The following YME1L1 variants were observed in gnomAD, a reference collection of about 807,000 sequenced individuals.
The protein encoded by YME1L1 is YME1 like 1 ATPase.
In YME1L1, 39 loss-of-function variants were observed where a neutral mutation model predicts 90.4. That is an observed-to-expected ratio of 0.43 (90% CI 0.33 to 0.56). The LOEUF is 0.56. YME1L1 is among the 20% of genes least tolerant of loss of function. The probability of loss-of-function intolerance (pLI) is 0.03; values close to 1 mark genes in which losing one functional copy is unlikely to be tolerated. For synonymous variants in YME1L1, 284 were observed against 287.3 expected, an observed-to-expected ratio of 0.99 and a Z score of 0.12; for missense variants, 617 against 868.4, an observed-to-expected ratio of 0.71 and a Z score of 3.64.
chr10:27,153,359 C>A, intron 1 of YME1L1: 1 of 429,264 alleles, frequency 2.3e-6, no homozygotes, highest in Non-Finnish European at 4.7e-6. Context: ...ATGCTTAAAT[C>A]AAGAACCTAA....
chr10:27,136,898 T>C (rs1488662820), intron 4 of YME1L1, among the ~76,000 whole-genome samples: 2 of 151,816 alleles, frequency 1.3e-5, no homozygotes, highest in South Asian at 2.1e-4. Flanking sequence ...GCTGGGATTA[T>C]AGGCGTGAGC....
intron 1 of YME1L1, among the ~76,000 whole-genome samples, chr10:27,149,576 T>C (rs1025783554): frequency 6.6e-6 from 1 of 151,330 alleles, no homozygotes; most frequent in Admixed American, 6.6e-5. Context: ...ATGGGTGTGA[T>C]GGTGTGCGCC....
chr10:27,112,081 C>T lies in YME1L1; in HGVS notation c.2047G>A (p.Ala683Thr). The T allele has an allele frequency of 6.2e-7, 1 of 1,613,946 alleles. No homozygotes were observed. The highest frequency in any genetic ancestry group is 1.7e-5 in the Admixed American group (1 of 59,990). Residue 683 changes from alanine (A) to threonine (T), a missense_variant, in exon 19 of 19, where the codon GCA becomes ACA. By Grantham distance (58) the Ala-to-Thr change is moderately conservative. Around this residue, in one of 4 missense-constraint regions of YME1L1, gnomAD observed 212 missense variants for 330.0 expected, o/e 0.64. Transcript: ENST00000376016. ...TCTGCGAGATTCTTATGCTCCTTTG[C>T]ATGAGTTTTCAAGATATGTTTTGCT... ...ERAKHILKTH[A>T]KEHKNLAEAL...
intron 4 of YME1L1, among the ~76,000 whole-genome samples, chr10:27,139,204 T>C (rs2057060415): frequency 6.6e-6 from 1 of 151,976 alleles, no homozygotes; most frequent in Non-Finnish European, 1.5e-5. Flanking sequence ...TATATACATA[T>C]ATATATTTTT....
intron 14 of YME1L1, 80 bp from the exon 15 acceptor site, chr10:27,117,807 A>G: frequency 7.0e-7 from 1 of 1,429,586 alleles, no homozygotes; most frequent in African/African-American, 1.4e-5. Context: ...TCTGCAAATC[A>G]AATACACTCC....
rs1322994924 is a variant in YME1L1 at position 27,116,351 on chromosome 10, C to T, written c.1720-6G>A. ...TTCTCAGGTAACAGGGACACCTAGA[C>T]AATTAAAAATTAATCAGATAAAAAA... On this transcript the variant is annotated splice_polypyrimidine_tract_variant and splice_region_variant and intron_variant, in intron 15 of 18. Transcript: ENST00000376016. 1.2e-6 allele frequency: 2 copies of T among 1,612,656 alleles called. No homozygotes were observed. Among genetic ancestry groups the T allele is most frequent in the East Asian group, 2.2e-5 (1 of 44,860 alleles).
At position 27,154,158 on chromosome 10, in the gene YME1L1, G is replaced by T; in HGVS notation, c.33+20C>A. 1 of 1,582,364 alleles carries T rather than the reference G, an allele frequency of 6.3e-7. No individual in the cohort carries two copies. Among genetic ancestry groups the T allele is most frequent in the East Asian group, 2.3e-5 (1 of 43,494 alleles). On this transcript the variant is annotated intron_variant, in intron 1 of 18. Coordinates refer to ENST00000376016, the MANE Select transcript of YME1L1 (RefSeq NM_014263.4). ...CGGGCAGGGCGGGAGGAAAAAAAAT[G>T]GGCTGAATGCCTGGCTTACCTGGGG...
chr10:27,138,723 G>A (rs1033193140), intron 4 of YME1L1, among the ~76,000 whole-genome samples: 5 of 151,558 alleles, frequency 3.3e-5, no homozygotes, highest in South Asian at 2.1e-4. Flanking sequence ...GTAAACAATC[G>A]TTATCACCTG....
At chr10:27,118,984 G>A (rs1441759644) in intron 14 of YME1L1, among the ~76,000 whole-genome samples, 1 of 151,988 alleles carries the variant, frequency 6.6e-6, no homozygotes, top group African/African-American at 2.4e-5. Flanking sequence ...AAGCTTTCCA[G>A]TCAGAAAAAA....
rs971323987 is a variant in YME1L1, at chr10:27,151,458, A to C, written c.34-2418T>G. ...AACGCCATTATTGTGGGTACAGACC[A>C]TTTAATAGATGAAGACAACAAAGAT... On this transcript the variant is annotated intron_variant, in intron 1 of 18. Transcript: ENST00000376016. Among the ~76,000 whole-genome samples, 8 of 152,364 alleles carry C rather than the reference A, an allele frequency of 5.3e-5. No homozygotes were observed. The East Asian group carries it at 9.7e-4, about 18-fold the overall frequency.
chr10:27,133,510 T>C (rs1319534203), intron 7 of YME1L1, among the ~76,000 whole-genome samples: 1 of 152,172 alleles, frequency 6.6e-6, no homozygotes, highest in African/African-American at 2.4e-5. Context: ...AAATTTAAAA[T>C]AGTAATTCTA....
chr10:27,131,346 G>T (rs2056975986), intron 8 of YME1L1, among the ~76,000 whole-genome samples: 1 of 145,054 alleles, frequency 6.9e-6, no homozygotes, highest in African/African-American at 2.6e-5. Flanking sequence ...GCTAAAATAG[G>T]GCCTAGCACT....
At chr10:27,147,264 T>C (rs1354796723) in intron 2 of YME1L1, 1 of 660,104 alleles carries the variant, frequency 1.5e-6, no homozygotes, top group Non-Finnish European at 2.6e-6. Flanking sequence ...GAGGCTGAGG[T>C]GGGAGGACTG....
intron 2 of YME1L1, chr10:27,147,616 C>T (rs2057159339): frequency 1.0e-5 from 16 of 1,558,318 alleles, no homozygotes; most frequent in Non-Finnish European, 1.3e-5. Context: ...GAATATTTTT[C>T]CTTTGCCAAT....
Position 27,111,034 on chromosome 10 carries a change from CT to C in YME1L1, c.*942del, listed in dbSNP as rs2056754151. ...TTCCAGGCATGCACCCCACACCTGGCTATTTTTTTTTGTATTTAAATTTATT... is the reference window on the plus strand; with the variant it reads ...TTCCAGGCATGCACCCCACACCTGGCATTTTTTTTTGTATTTAAATTTATT... On this transcript the variant is annotated 3_prime_UTR_variant, in exon 19 of 19. Coordinates refer to ENST00000376016, the MANE Select transcript of YME1L1 (RefSeq NM_014263.4). 6.6e-6 allele frequency: 1 copy of C among 151,628 alleles called. No homozygotes were observed. Among genetic ancestry groups the C allele is most frequent in the East Asian group, 1.9e-4 (1 of 5,156 alleles). 9.4% of individuals were successfully genotyped at this position (151,628 alleles called of 1,614,324 possible). A position where few individuals can be genotyped will look rare whatever the true frequency, so the allele number is the denominator to read the frequency against.
intron 18 of YME1L1, among the ~76,000 whole-genome samples, chr10:27,113,245 A>T (rs200788641): frequency 0.018 from 2,606 of 145,380 alleles, 298 homozygotes; most frequent in East Asian, 0.15. Flanking sequence ...AAAAAAAAAA[A>T]AAAAAAAAAA....
intron 1 of YME1L1, among the ~76,000 whole-genome samples, chr10:27,152,521 G>C (rs1588621551): frequency 6.6e-6 from 1 of 152,182 alleles, no homozygotes; most frequent in Admixed American, 6.5e-5. Context: ...TGTCCATTCA[G>C]TTGATGGTAA....
Position 27,145,488 on chromosome 10 carries a change from T to C in YME1L1, c.271A>G (p.Ile91Val), listed in dbSNP as rs1420283955. 2.5e-6 allele frequency: 4 copies of C among 1,613,370 alleles called. No homozygotes were observed. Reference protein sequence around the residue: ...LLPGFCKGKNISSHWHTSHVS... With the variant: ...LLPGFCKGKNVSSHWHTSHVS... ...TGGGATGTATGCCAATGGGAAGAAA[T>C]GTTTTTGCCTTTACAAAATCCAGGA... The change falls in exon 3 of 19, where the codon ATT (isoleucine) becomes GTT (valine). Residue 91 changes from isoleucine (I) to valine (V), a missense_variant. By Grantham distance (29) the Ile-to-Val change is conservative. Transcript: ENST00000376016.
intron 4 of YME1L1, among the ~76,000 whole-genome samples, chr10:27,140,491 GT>G (rs2057075913): frequency 6.6e-6 from 1 of 151,902 alleles, no homozygotes; most frequent in South Asian, 2.1e-4. Flanking sequence ...TGTCTTTTTT[GT>G]TTTTTGAGAC....
Sources: allele counts gnomAD v4.1 joint callset (sites outside exome capture counted in the v4.1 genomes callset), GRCh38; gene constraint gnomAD v4.1.1; regional missense constraint gnomAD v4.1.1; transcripts MANE v1.5; gene names NCBI Gene and HGNC (gene_info 2026-07-23, HGNC 2026-07-21).